The following SF3B1 variants were observed in gnomAD, a reference collection of about 807,000 sequenced individuals.
The protein encoded by SF3B1 is pre-mRNA processing 10.
In SF3B1, 12 loss-of-function variants were observed where a neutral mutation model predicts 153.8. The ratio of observed to expected loss-of-function variants is 0.08; its 90% CI spans 0.05 to 0.13. SF3B1 has a LOEUF of 0.13. Ranked by LOEUF, SF3B1 falls within the 10% of genes least tolerant of loss-of-function variation. The pLI, the probability that SF3B1 is intolerant of heterozygous loss-of-function variation, is 1.00. For missense variants in SF3B1, 513 were observed against 1,606.1 expected (o/e 0.32, Z 11.63); for synonymous variants, 498 against 525.2 (o/e 0.95, Z 0.71).
At chr2:197,393,275 G>A (rs888791322) in intron 23 of SF3B1, 87 bp from the exon 24 acceptor site, 2 of 844,104 alleles carry the variant, frequency 2.4e-6, no homozygotes, top group Non-Finnish European at 3.9e-6. Flanking sequence ...TAGTTTTACA[G>A]GAAATATTCA....
At chr2:197,420,619 C>T (rs2085225118) in intron 3 of SF3B1, 77 bp from the exon 4 acceptor site, 1 of 849,774 alleles carries the variant, frequency 1.2e-6, no homozygotes, top group Non-Finnish European at 1.9e-6. Flanking sequence ...AAAATCAGAA[C>T]ACCATAAAGC....
chr2:197,407,224 C>T (rs1381826335), intron 9 of SF3B1, among the ~76,000 whole-genome samples: 1 of 152,180 alleles, frequency 6.6e-6, no homozygotes, highest in African/African-American at 2.4e-5. Context: ...GTCAGCTATA[C>T]GACCACAGAC....
chr2:197,430,158 G>A (rs2085405342), intron 1 of SF3B1, among the ~76,000 whole-genome samples: 1 of 152,170 alleles, frequency 6.6e-6, no homozygotes, highest in Admixed American at 6.6e-5. Context: ...CAGTTTTCTT[G>A]GAAGCCTGAC....
At chr2:197,430,149 A>G (rs2085405178) in intron 1 of SF3B1, among the ~76,000 whole-genome samples, 1 of 152,256 alleles carries the variant, frequency 6.6e-6, no homozygotes, top group Admixed American at 6.5e-5. Flanking sequence ...AAATGTTATC[A>G]GTTTTCTTGG....
At position 197,392,163 on chromosome 2, in the gene SF3B1, A is replaced by C. The variant is rs2084816027; in HGVS notation, c.*140T>G. The stretch of plus-strand genomic sequence containing the variant: ...CAAAAACAAAGACAGGTTATTTAAA[A>C]ATCATGCTACTGGATTTCTAGCTCT... On this transcript the variant is annotated 3_prime_UTR_variant, in exon 25 of 25. Coordinates refer to ENST00000335508, the MANE Select transcript of SF3B1 (RefSeq NM_012433.4). The C allele has an allele frequency of 2.1e-6, 1 of 468,504 alleles. No individual in the cohort carries two copies. Among genetic ancestry groups the C allele is most frequent in the Admixed American group, 3.9e-5 (1 of 25,882 alleles). 29.0% of individuals were successfully genotyped at this position (468,504 alleles called of 1,614,324 possible).
At chr2:197,413,238 T>C (rs1053286232) in intron 6 of SF3B1, among the ~76,000 whole-genome samples, 18 of 151,682 alleles carry the variant, frequency 1.2e-4, no homozygotes, top group African/African-American at 4.4e-4. Context: ...CTGTCTCTAC[T>C]AAAAATACAA....
chr2:197,409,742 C>CCA (rs1559269505), intron 7 of SF3B1, 28 bp downstream of exon 7: 7 of 1,523,632 alleles, frequency 4.6e-6, no homozygotes, highest in Non-Finnish European at 6.4e-6. Context: ...AACATTTCAC[C>CCA]CACACACCCA....
chr2:197,427,415 A>G (rs1168328730), intron 1 of SF3B1, among the ~76,000 whole-genome samples: 1 of 152,250 alleles, frequency 6.6e-6, no homozygotes, highest in Non-Finnish European at 1.5e-5. Context: ...CATGTGATCC[A>G]TAAAATTAAG....
Position 197,405,458 on chromosome 2 carries a change from T to C in SF3B1, c.1254A>G (p.Pro418=), listed in dbSNP as rs2084979407. 1.2e-6 allele frequency: 2 copies of C among 1,611,714 alleles called. No homozygotes were observed. Among genetic ancestry groups the C allele is most frequent in the African/African-American group, 2.7e-5 (2 of 74,914 alleles). ...FPEGYKVLPP[P]AGYVPIRTPA... is the part of the protein sequence containing the mutation. The stretch of plus-strand genomic sequence containing the variant: ...GAGTTCGAATAGGAACATAACCAGC[T>C]GGAGGAGGAAGTACCTAATAAAAGT... The change falls in exon 10 of 25, where the codon CCA becomes CCG. Residue 418 remains proline, a synonymous_variant. Transcript: ENST00000335508.
At chr2:197,407,561 C>T (rs894025316) in intron 9 of SF3B1, among the ~76,000 whole-genome samples, 5 of 150,028 alleles carry the variant, frequency 3.3e-5, no homozygotes, top group South Asian at 2.1e-4. Context: ...GCCGAAATCA[C>T]GCCACTGCAC....
intron 1 of SF3B1, among the ~76,000 whole-genome samples, chr2:197,425,390 C>T (rs747711906): frequency 6.6e-6 from 1 of 152,038 alleles, no homozygotes; most frequent in African/African-American, 2.4e-5. Context: ...CACATGAACC[C>T]GGAAGGTGGA....
chr2:197,411,876 C>T (rs1412491004), intron 6 of SF3B1, among the ~76,000 whole-genome samples: 2 of 151,894 alleles, frequency 1.3e-5, no homozygotes, highest in Non-Finnish European at 2.9e-5. Context: ...GCAGGCAGAT[C>T]AATTGAGGCC....
Position 197,401,657 on chromosome 2 carries a change from T to A in SF3B1, c.2370+85A>T, listed in dbSNP as rs2105983879. ...CAGTATTCGTGTAACATACAGTTTT[T>A]TTTGTTGATTTTTAAAAACACTTTA... On this transcript the variant is annotated intron_variant, in intron 16 of 24. Coordinates refer to ENST00000335508, the MANE Select transcript of SF3B1 (RefSeq NM_012433.4). This position sits in a 1 kb window ranked among gnomAD's most constrained non-coding sequence, Gnocchi z 4.2. 6.7e-7 allele frequency: 1 copy of A among 1,495,196 alleles called. No individual in the cohort carries two copies. The highest frequency in any genetic ancestry group is 9.1e-7 in the Non-Finnish European group (1 of 1,097,030). The allele number at this position is 1,495,196 out of a possible 1,614,324, so 92.6% of individuals were successfully genotyped here.
intron 1 of SF3B1, among the ~76,000 whole-genome samples, chr2:197,428,052 G>A (rs1275020032): frequency 6.6e-6 from 1 of 151,138 alleles, no homozygotes; most frequent in Non-Finnish European, 1.5e-5. Context: ...TAATTAAAAG[G>A]TAATGAGGCT....
In SF3B1 at chr2:197,429,737, T is replaced by C. The variant is rs181437720; in HGVS notation, c.28+5235A>G. Reference sequence around the variant, plus strand: ...AGGCGGAGCTTGCAGTGAGCCGACATTGTGCGACTGCACTCCAGCCTGGAC... The same window carrying C: ...AGGCGGAGCTTGCAGTGAGCCGACACTGTGCGACTGCACTCCAGCCTGGAC... On this transcript the variant is annotated intron_variant, in intron 1 of 24. Coordinates refer to ENST00000335508, the MANE Select transcript of SF3B1 (RefSeq NM_012433.4). 3.4e-4 allele frequency among the ~76,000 whole-genome samples: 52 copies of C among 151,926 alleles called. No homozygotes were observed. The East Asian group carries it at 8.5e-3, about 25-fold the overall frequency.
In SF3B1 at chr2:197,390,219, T is replaced by C. The variant is rs562417018; in HGVS notation, c.*2084A>G. The C allele has an allele frequency of 6.6e-6, 1 of 152,210 alleles. No homozygotes were observed. Among genetic ancestry groups the C allele is most frequent in the Non-Finnish European group, 1.5e-5 (1 of 68,032 alleles). The allele number at this position is 152,210 out of a possible 1,614,324, so 9.4% of individuals were successfully genotyped here. On this transcript the variant is annotated 3_prime_UTR_variant, in exon 25 of 25. Transcript: ENST00000335508. The stretch of plus-strand genomic sequence containing the variant: ...TCAGTAAAAAAAGTTAATTAAGGTG[T>C]AACAGTCTCCTTTGCTCCACAATGC...
At chr2:197,431,134 A>G in intron 1 of SF3B1, among the ~76,000 whole-genome samples, 1 of 110,158 alleles carries the variant, frequency 9.1e-6, no homozygotes, top group Non-Finnish European at 1.7e-5. Context: ...TTTTTTTGAG[A>G]CAGAGTTTCA....
At chr2:197,411,442 G>A (rs1262421822) in intron 6 of SF3B1, among the ~76,000 whole-genome samples, 1 of 151,984 alleles carries the variant, frequency 6.6e-6, no homozygotes, top group Non-Finnish European at 1.5e-5. Context: ...GAGAGGCCGA[G>A]GCGGGCGGAT....
intron 22 of SF3B1, among the ~76,000 whole-genome samples, chr2:197,396,853 G>C (rs1469898629): frequency 6.6e-6 from 1 of 152,130 alleles, no homozygotes; most frequent in African/African-American, 2.4e-5. Flanking sequence ...CTAAAAGCTT[G>C]CACAAAAGCT....
Sources: gnomAD v4.1 joint callset for allele counts (sites outside exome capture counted in the v4.1 genomes callset) on GRCh38, gnomAD v4.1.1 for gene constraint, Gnocchi (gnomAD v3.1) non-coding constraint, MANE v1.5 for transcripts, NCBI Gene and HGNC (gene_info 2026-07-23, HGNC 2026-07-21) for gene names.